PSG3: variants seen among roughly 807,000 people sequenced by gnomAD.
PSG3 encodes the protein pregnancy-specific beta-1-glycoprotein 3.
A neutral mutation model predicts 47.5 loss-of-function variants in PSG3; 61 were observed. The ratio of observed to expected loss-of-function variants is 1.28; its 90% CI spans 1.05 to 1.59. The LOEUF (loss-of-function observed/expected upper bound fraction) is 1.59. Ranked by LOEUF, PSG3 falls within the 40% of genes most tolerant of loss-of-function variation. The pLI is 0.00. For synonymous variants in PSG3, 263 were observed against 198.4 expected, an observed-to-expected ratio of 1.33 and a Z score of -2.74; for missense variants, 756 against 524.0, an observed-to-expected ratio of 1.44 and a Z score of -4.32.
At chr19:42,724,394 G>A (rs1352691094) in intron 5 of PSG3, among the ~76,000 whole-genome samples, 2 of 152,156 alleles carry the variant, frequency 1.3e-5, no homozygotes, top group Admixed American at 1.3e-4. Flanking sequence ...GACCCTGCCA[G>A]GTCTCCATGG....
chr19:42,739,177 A>T, intron 1 of PSG3, 88 bp from the exon 2 acceptor site: 1 of 1,465,202 alleles, frequency 6.8e-7, no homozygotes, highest in Non-Finnish European at 9.2e-7. Context: ...AGGTCTCTTC[A>T]ATCCTCAGCT....
chr19:42,730,701 G>A (rs1969459117), intron 3 of PSG3, among the ~76,000 whole-genome samples: 1 of 152,212 alleles, frequency 6.6e-6, no homozygotes, highest in African/African-American at 2.4e-5. Context: ...GACCTCTAAA[G>A]ATAGAGCAGA....
chr19:42,729,641 C>T (rs1600382798), intron 4 of PSG3, 137 bp downstream of exon 4: 2 of 1,531,308 alleles, frequency 1.3e-6, no homozygotes, highest in Admixed American at 2.0e-5. Flanking sequence ...CTTCCCAGGG[C>T]AGGAAGTTAT....
chr19:42,723,537 T>A (rs1249585963), intron 6 of PSG3, among the ~76,000 whole-genome samples: 2 of 152,146 alleles, frequency 1.3e-5, no homozygotes, highest in Non-Finnish European at 2.9e-5. Flanking sequence ...TTTAGAAAGG[T>A]AATGAGGCAG....
rs200684147 is a variant in PSG3 at position 42,725,890 on chromosome 19, C to CAAAAAAAAAAAAAAAAAAAAAA, written c.1244-1866_1244-1865insTTTTTTTTTTTTTTTTTTTTTT. 7.5e-4 allele frequency among the ~76,000 whole-genome samples: 51 copies of CAAAAAAAAAAAAAAAAAAAAAA among 68,012 alleles called. 1 individual carries two copies. Among genetic ancestry groups the CAAAAAAAAAAAAAAAAAAAAAA allele is most frequent in the African/African-American group, 2.2e-3 (36 of 16,010 alleles). 44.6% of individuals were successfully genotyped at this position (68,012 alleles called of 152,430 possible). A position where few individuals can be genotyped will look rare whatever the true frequency, so the allele number is the denominator to read the frequency against. On this transcript the variant is annotated intron_variant, in intron 5 of 6. Coordinates refer to ENST00000327495, the MANE Select transcript of PSG3 (RefSeq NM_021016.4). ...TCTCTCTCTCTTCAACAACAACAAC[C>CAAAAAAAAAAAAAAAAAAAAAA]AAAAAAAAAAAAAAAAAAAGAAAAA...
chr19:42,732,209 T>C (rs953094655), intron 3 of PSG3: 1 of 162,290 alleles, frequency 6.2e-6, no homozygotes, highest in Non-Finnish European at 1.4e-5. Flanking sequence ...GACCCCTCTA[T>C]ATGTTTTAGT....
In PSG3 at chr19:42,732,775, G is replaced by A. The variant is rs772078422; in HGVS notation, c.709+9C>T. Reference sequence around the variant, plus strand: ...CAGACTGGCTCACAGAGGAACAGGAGATACTCACGGAGGAGATTCAGGGTG... The same window carrying A: ...CAGACTGGCTCACAGAGGAACAGGAAATACTCACGGAGGAGATTCAGGGTG... On this transcript the variant is annotated intron_variant, in intron 3 of 6. Transcript: ENST00000327495. 38 of 1,613,932 alleles carry A rather than the reference G, an allele frequency of 2.4e-5. No individual in the cohort carries two copies. The highest frequency in any genetic ancestry group is 6.7e-5 in the Admixed American group (4 of 60,000).
chr19:42,729,715 T>C (rs111681750), intron 4 of PSG3, 63 bp downstream of exon 4: 1 of 1,577,126 alleles, frequency 6.3e-7, no homozygotes, highest in African/African-American at 1.4e-5. Flanking sequence ...GTGAGAGGCC[T>C]GGCCTCTGGT....
rs748902072 is a variant in PSG3 at position 42,724,026 on chromosome 19, C to G, written c.1244-1G>C. On this transcript the variant is annotated splice_acceptor_variant, in intron 5 of 6. Coordinates refer to ENST00000327495, the MANE Select transcript of PSG3 (RefSeq NM_021016.4). LOFTEE classifies it high-confidence loss of function. ...GGAAGATGTCCTGTTCCTGAAGGAGCTGTCATGGAAAAAAAAGAAAAGAAG... is the reference window on the plus strand; with the variant it reads ...GGAAGATGTCCTGTTCCTGAAGGAGGTGTCATGGAAAAAAAAGAAAAGAAG... 3.7e-6 allele frequency: 6 copies of G among 1,610,236 alleles called. No homozygotes were observed. Among genetic ancestry groups the G allele is most frequent in the Non-Finnish European group, 5.1e-6 (6 of 1,176,874 alleles).
chr19:42,730,110 C>T (rs1323587713), intron 3 of PSG3, 54 bp from the exon 4 acceptor site: 2 of 1,600,298 alleles, frequency 1.2e-6, no homozygotes, highest in Non-Finnish European at 1.7e-6. Flanking sequence ...GATTCCTCCA[C>T]TGGCATCCTT....
rs369138541 is a variant in PSG3, at chr19:42,724,074, C to A, written c.1244-49G>T. 4 of 1,562,020 alleles carry A rather than the reference C, an allele frequency of 2.6e-6. No individual in the cohort carries two copies. In the South Asian group the frequency reaches 3.3e-5, roughly 13 times the overall value. On this transcript the variant is annotated intron_variant, in intron 5 of 6. Transcript: ENST00000327495. ...AAGGAATGAAGATGATGTTATTTTA[C>A]ATGGGGGAGCCTCAGGAACAAGCAT...
chr19:42,730,084 C>G (rs769426202), intron 3 of PSG3, 28 bp from the exon 4 acceptor site: 1 of 1,606,160 alleles, frequency 6.2e-7, no homozygotes, highest in Non-Finnish European at 8.5e-7. Context: ...AGAAGATTGT[C>G]CTGTGTGGCA....
intron 2 of PSG3, among the ~76,000 whole-genome samples, chr19:42,736,544 A>G (rs8103607): frequency 0.17 from 25,333 of 151,852 alleles, 3,726 homozygotes; most frequent in African/African-American, 0.4. Context: ...ATAAACCTCC[A>G]TCCTCCTGTT....
intron 6 of PSG3, among the ~76,000 whole-genome samples, chr19:42,723,321 A>G (rs1690972799): frequency 6.6e-6 from 1 of 152,208 alleles, no homozygotes; most frequent in Non-Finnish European, 1.5e-5. Context: ...CTGTTTTCAG[A>G]CATAGCATTG....
At position 42,738,953 on chromosome 19, in the gene PSG3, C is replaced by A; in HGVS notation, c.201G>T (p.Trp67Cys). ...NLPQNLAGYI[W>C]YKGQMKDLYH... is the part of the protein sequence containing the mutation. ...AGAGGTCCTTCATTTGCCCTTTGTACCAGATGTAGCCAGCAAGATTCTGGG... is the reference window on the plus strand; with the variant it reads ...AGAGGTCCTTCATTTGCCCTTTGTAACAGATGTAGCCAGCAAGATTCTGGG... The change falls in exon 2 of 7, where the codon TGG becomes TGT. Residue 67 changes from tryptophan (W) to cysteine (C), a missense_variant. Trp to Cys is a radical substitution (Grantham distance 215). Transcript: ENST00000327495. The A allele has an allele frequency of 6.2e-7, 1 of 1,613,962 alleles. No homozygotes were observed. Among genetic ancestry groups the A allele is most frequent in the Non-Finnish European group, 8.5e-7 (1 of 1,179,964 alleles).
At position 42,729,315 on chromosome 19, in the gene PSG3, A is replaced by G; in HGVS notation, c.1051T>C (p.Tyr351His). Reference protein sequence around the residue: ...FTYYHSGENLYLSCFADSNPP... With the variant: ...FTYYHSGENLHLSCFADSNPP... ...TTAGAGTCCGCGAAGCAGGACAAGTAGAGGTTTTCTCCTGAATGGTAATAG... is the reference window on the plus strand; with the variant it reads ...TTAGAGTCCGCGAAGCAGGACAAGTGGAGGTTTTCTCCTGAATGGTAATAG... Residue 351 changes from tyrosine to histidine, a missense_variant, in exon 5 of 7, where the codon TAC (tyrosine) becomes CAC (histidine). Physicochemically the swap from Tyr to His is moderately conservative, Grantham distance 83. Coordinates refer to ENST00000327495, the MANE Select transcript of PSG3 (RefSeq NM_021016.4). The G allele has an allele frequency of 1.2e-6, 2 of 1,614,168 alleles. No individual in the cohort carries two copies. The highest frequency in any genetic ancestry group is 2.2e-5 in the South Asian group (2 of 91,082).
intron 2 of PSG3, among the ~76,000 whole-genome samples, chr19:42,736,912 G>A (rs183346629): frequency 2.9e-3 from 434 of 152,268 alleles, no homozygotes; most frequent in Non-Finnish European, 5.2e-3. Context: ...GTGTTAGCGG[G>A]AAGGGAACTG....
At chr19:42,723,893 A>G (rs1171636069) in intron 6 of PSG3, 49 bp downstream of exon 6, 7 of 1,420,812 alleles carry the variant, frequency 4.9e-6, no homozygotes, top group Non-Finnish European at 5.0e-6. Context: ...TCTCCCAAGC[A>G]TGGCAGTTAG....
Position 42,729,240 on chromosome 19 carries a change from C to T in PSG3, c.1126G>A (p.Gly376Arg), listed in dbSNP as rs1167639873. The change falls in exon 5 of 7, where the codon GGA becomes AGA. Residue 376 changes from glycine to arginine, a missense_variant. By Grantham distance (125) the Gly-to-Arg change is moderately radical (BLOSUM62 -2). Transcript: ENST00000327495. ...WTINGKFQLS[G>R]QKLFIPQITT... ...ATCTGGGGGATAAAGAGCTTTTGTCCTGATAGCTGAAACTTCCCATTAATT... is the reference window on the plus strand; with the variant it reads ...ATCTGGGGGATAAAGAGCTTTTGTCTTGATAGCTGAAACTTCCCATTAATT... 3.1e-6 allele frequency: 5 copies of T among 1,614,056 alleles called. No individual in the cohort carries two copies. The South Asian group carries it at 4.4e-5, about 14-fold the overall frequency.
Sources: gnomAD v4.1 joint callset for allele counts (sites outside exome capture counted in the v4.1 genomes callset) on GRCh38, gnomAD v4.1.1 for gene constraint, MANE v1.5 for transcripts, NCBI Gene and HGNC (gene_info 2026-07-23, HGNC 2026-07-21) for gene names.